The following KIAA1217 variants were observed in gnomAD, a reference collection of about 807,000 sequenced individuals.
KIAA1217 encodes the protein sickle tail protein homolog.
A neutral mutation model predicts 163.9 loss-of-function variants in KIAA1217; 88 were observed. That is an observed-to-expected ratio of 0.54 (90% CI 0.45 to 0.64). The LOEUF (loss-of-function observed/expected upper bound fraction) is 0.64. Among genes scored for constraint, KIAA1217 ranks in the 30% least tolerant of loss-of-function variants. The pLI is 0.00. For missense variants in KIAA1217, 2,372 were observed against 2,475.0 expected, an observed-to-expected ratio of 0.96 and a Z score of 0.88; for synonymous variants, 903 against 923.1, an observed-to-expected ratio of 0.98 and a Z score of 0.39.
intron 6 of KIAA1217, among the ~76,000 whole-genome samples, chr10:24,475,724 G>T (rs2063947900): frequency 3.3e-5 from 5 of 152,178 alleles, no homozygotes; most frequent in Admixed American, 3.3e-4. Context: ...CAGCTAAGGG[G>T]TATAGGATAA....
rs934946771 is a variant in KIAA1217, at chr10:24,531,938, C to T, written c.3191C>T (p.Thr1064Ile). ...RSYLPGSGLT[T>I]TRSGDVVYTG... ...TACCTGCCAGGATCGGGACTCACCA[C>T]CACGAGGTCAGGCGATGTGGTCTAC... The change falls in exon 15 of 21, where the codon ACC becomes ATC. Residue 1064 changes from threonine (T) to isoleucine (I), a missense_variant. This residue lies in a region of KIAA1217 where 1,431 missense variants were observed against 1,470.3 expected (regional missense o/e 0.97). Coordinates refer to ENST00000376454, the MANE Select transcript of KIAA1217 (RefSeq NM_019590.5). 3.7e-6 allele frequency: 6 copies of T among 1,609,424 alleles called. No individual in the cohort carries two copies. In the Admixed American group the frequency reaches 1.0e-4, roughly 27 times the overall value.
At chr10:23,774,329 T>A (rs1203507011) in intron 1 of KIAA1217, among the ~76,000 whole-genome samples, 2 of 152,190 alleles carry the variant, frequency 1.3e-5, no homozygotes, top group Non-Finnish European at 2.9e-5. Context: ...GTTGCTGGTG[T>A]GTGGGCTATG....
At chr10:23,707,913 A>T (rs1242957261) in intron 1 of KIAA1217, among the ~76,000 whole-genome samples, 1 of 152,214 alleles carries the variant, frequency 6.6e-6, no homozygotes, top group Non-Finnish European at 1.5e-5. Flanking sequence ...TGAATGAAGG[A>T]TTTGAAAATT....
chr10:24,169,067 A>G (rs1272026952), intron 2 of KIAA1217, among the ~76,000 whole-genome samples: 2 of 152,266 alleles, frequency 1.3e-5, no homozygotes, highest in East Asian at 3.8e-4. Context: ...TAAAATGAGC[A>G]TAGTTAACCC....
intron 1 of KIAA1217, among the ~76,000 whole-genome samples, chr10:23,873,650 C>T (rs928777310): frequency 7.2e-5 from 11 of 151,862 alleles, no homozygotes; most frequent in African/African-American, 2.7e-4. Context: ...AAGGAGAGGC[C>T]CATTGCTGTT....
intron 2 of KIAA1217, among the ~76,000 whole-genome samples, chr10:24,227,144 A>T (rs2070683665): frequency 4.0e-4 from 1 of 2,506 alleles, no homozygotes; most frequent in East Asian, 6.3e-3. Flanking sequence ...ATATAAAGGG[A>T]TTATTATTAT....
intron 2 of KIAA1217, among the ~76,000 whole-genome samples, chr10:24,076,518 A>G (rs999489920): frequency 5.3e-5 from 8 of 152,148 alleles, no homozygotes; most frequent in African/African-American, 1.9e-4. Context: ...CTGCCTCTCT[A>G]TGATTCCAGA....
At chr10:23,935,018 T>C (rs903704784) in intron 1 of KIAA1217, among the ~76,000 whole-genome samples, 1 of 152,062 alleles carries the variant, frequency 6.6e-6, no homozygotes, top group African/African-American at 2.4e-5. Context: ...ATACTGAGGG[T>C]GGGGTTGATG....
intron 1 of KIAA1217, among the ~76,000 whole-genome samples, chr10:23,764,992 A>T (rs1334929906): frequency 6.6e-6 from 1 of 152,146 alleles, no homozygotes; most frequent in African/African-American, 2.4e-5. Flanking sequence ...ATTGATAAAT[A>T]AAAGAGTTTT....
chr10:23,957,637 G>T (rs1231344101), intron 1 of KIAA1217, among the ~76,000 whole-genome samples: 1 of 152,128 alleles, frequency 6.6e-6, no homozygotes, highest in East Asian at 1.9e-4. Context: ...CAGGAGACTT[G>T]CTTGAACCTG....
chr10:24,374,768 C>CT (rs1182661555), intron 2 of KIAA1217, among the ~76,000 whole-genome samples: 1 of 152,096 alleles, frequency 6.6e-6, no homozygotes, highest in African/African-American at 2.4e-5. Context: ...CCTTGCTGTT[C>CT]TTTTTTTAAA....
At chr10:24,258,310 A>C (rs1371850335) in intron 2 of KIAA1217, among the ~76,000 whole-genome samples, 3 of 152,158 alleles carry the variant, frequency 2.0e-5, no homozygotes, top group Non-Finnish European at 4.4e-5. Context: ...AAACGCATAG[A>C]TACACACAGA....
intron 2 of KIAA1217, among the ~76,000 whole-genome samples, chr10:24,283,531 GT>G (rs1435568207): frequency 6.6e-6 from 1 of 152,100 alleles, no homozygotes; most frequent in African/African-American, 2.4e-5. Context: ...GCCAGAAGTG[GT>G]GGTGTATGCC....
At chr10:24,318,924 C>T (rs769716590) in intron 2 of KIAA1217, among the ~76,000 whole-genome samples, 36 of 152,198 alleles carry the variant, frequency 2.4e-4, no homozygotes, top group African/African-American at 3.1e-4. Flanking sequence ...TCTGTGAGTT[C>T]GCTGTGGCAT....
At chr10:24,313,534 C>A (rs191460083) in intron 2 of KIAA1217, among the ~76,000 whole-genome samples, 1 of 152,080 alleles carries the variant, frequency 6.6e-6, no homozygotes, top group Non-Finnish European at 1.5e-5. Flanking sequence ...CCGGGGTTAG[C>A]GCCAGATGGA....
intron 2 of KIAA1217, among the ~76,000 whole-genome samples, chr10:24,069,369 T>C (rs543836661): frequency 6.6e-6 from 1 of 152,292 alleles, no homozygotes; most frequent in South Asian, 2.1e-4. Flanking sequence ...GGAGTTGTAA[T>C]GAGTGCCTGC....
At chr10:24,417,189 C>A (rs1379320904) in intron 3 of KIAA1217, among the ~76,000 whole-genome samples, 1 of 152,062 alleles carries the variant, frequency 6.6e-6, no homozygotes, top group East Asian at 1.9e-4. Context: ...TCTCCCCACC[C>A]TCTGGGGAAA....
intron 1 of KIAA1217, among the ~76,000 whole-genome samples, chr10:23,982,470 G>T (rs999424867): frequency 6.7e-6 from 1 of 149,600 alleles, no homozygotes; most frequent in Non-Finnish European, 1.5e-5. Flanking sequence ...AAAGTCTTGT[G>T]TTTTATCTTT....
At chr10:24,096,037 A>G (rs1030819293) in intron 2 of KIAA1217, among the ~76,000 whole-genome samples, 1 of 152,188 alleles carries the variant, frequency 6.6e-6, no homozygotes, top group African/African-American at 2.4e-5. Flanking sequence ...GAGACCAGGA[A>G]TTCAAGCCTG....
Sources: allele counts gnomAD v4.1 joint callset (sites outside exome capture counted in the v4.1 genomes callset), GRCh38; gene constraint gnomAD v4.1.1; regional missense constraint gnomAD v4.1.1; transcripts MANE v1.5; gene names NCBI Gene and HGNC (gene_info 2026-07-23, HGNC 2026-07-21).